The following KIAA0825 variants were observed in gnomAD, a reference collection of about 807,000 sequenced individuals.
KIAA0825 encodes the protein uncharacterized protein KIAA0825.
Under a neutral mutation model 147.6 loss-of-function variants are expected in KIAA0825, and 119 were observed. The ratio of observed to expected loss-of-function variants is 0.81; its 90% confidence interval spans 0.69 to 0.94. The LOEUF (loss-of-function observed/expected upper bound fraction) is 0.94, where lower values mean the gene tolerates loss of function less well. Among genes scored for constraint, KIAA0825 ranks in the 40% least tolerant of loss-of-function variants. The pLI is 0.00. For synonymous variants in KIAA0825, 470 were observed against 518.1 expected (o/e 0.91, Z 1.26); for missense variants, 1,381 against 1,472.7 (o/e 0.94, Z 1.02).
intron 1 of KIAA0825, among the ~76,000 whole-genome samples, chr5:94,598,090 G>A (rs1304947758): frequency 1.3e-5 from 2 of 151,896 alleles, no homozygotes; most frequent in Non-Finnish European, 2.9e-5. Flanking sequence ...TTTTTCTTTT[G>A]TCAATAATAA....
chr5:94,188,908 A>G (rs1770406292), intron 20 of KIAA0825, among the ~76,000 whole-genome samples: 2 of 152,186 alleles, frequency 1.3e-5, no homozygotes, highest in African/African-American at 4.8e-5. Context: ...GAAAGTTTCA[A>G]TTACTTTACA....
chr5:94,567,421 T>C (rs1778903832), intron 2 of KIAA0825: 2 of 152,306 alleles, frequency 1.3e-5, no homozygotes, highest in South Asian at 2.1e-4. Flanking sequence ...GTCTCAGACA[T>C]TTCTAAAATC....
chr5:94,277,288 C>G (rs553997728), intron 20 of KIAA0825, among the ~76,000 whole-genome samples: 7 of 152,176 alleles, frequency 4.6e-5, no homozygotes, highest in Admixed American at 1.3e-4. Context: ...AGCTTCTGCA[C>G]AGCAAAAGAA....
intron 14 of KIAA0825, among the ~76,000 whole-genome samples, chr5:94,422,617 C>T (rs1754343376): frequency 6.6e-6 from 1 of 152,106 alleles, no homozygotes; most frequent in African/African-American, 2.4e-5. Context: ...GTCCCTTACC[C>T]TTTCCACAAA....
At chr5:94,453,258 T>C (rs1478545171) in intron 12 of KIAA0825, among the ~76,000 whole-genome samples, 189 bp from the exon 13 acceptor site, 3 of 152,014 alleles carry the variant, frequency 2.0e-5, no homozygotes, top group Non-Finnish European at 4.4e-5. Context: ...CTGCAACCTC[T>C]GCCTCCCAGG....
chr5:94,269,033 C>T (rs1487133514), intron 20 of KIAA0825, among the ~76,000 whole-genome samples: 1 of 152,062 alleles, frequency 6.6e-6, no homozygotes, highest in Non-Finnish European at 1.5e-5. Flanking sequence ...TTTTTTTCAT[C>T]TTGCAAATAT....
intron 20 of KIAA0825, among the ~76,000 whole-genome samples, chr5:94,317,130 G>A (rs78905286): frequency 1.0e-3 from 155 of 151,908 alleles, no homozygotes; most frequent in African/African-American, 3.5e-3. Context: ...GGAAGGGAGT[G>A]TGAATCCAGG....
intron 14 of KIAA0825, among the ~76,000 whole-genome samples, chr5:94,423,564 A>G (rs977329914): frequency 1.3e-5 from 2 of 152,152 alleles, no homozygotes; most frequent in African/African-American, 4.8e-5. Flanking sequence ...AGCCTGCTTA[A>G]TTTTTACTTT....
intron 20 of KIAA0825, among the ~76,000 whole-genome samples, chr5:94,323,364 G>A (rs983251306): frequency 1.3e-5 from 2 of 151,798 alleles, no homozygotes; most frequent in Non-Finnish European, 2.9e-5. Flanking sequence ...CATTTTGAAA[G>A]GATGTCTGAT....
chr5:94,583,016 G>A (rs75213431), intron 1 of KIAA0825, among the ~76,000 whole-genome samples: 4,263 of 152,150 alleles, frequency 0.028, 194 homozygotes, highest in East Asian at 0.21. Context: ...CATTCTTCTG[G>A]GTGATCCTGT....
intron 20 of KIAA0825, among the ~76,000 whole-genome samples, chr5:94,374,803 T>C (rs1203654047): frequency 2.6e-5 from 4 of 152,128 alleles, no homozygotes; most frequent in Non-Finnish European, 1.5e-5. Flanking sequence ...TCTGAAGCCT[T>C]CCCTGCCTAT....
At chr5:94,597,394 G>C (rs1038104150) in intron 1 of KIAA0825, among the ~76,000 whole-genome samples, 3 of 152,098 alleles carry the variant, frequency 2.0e-5, no homozygotes, top group Non-Finnish European at 4.4e-5. Context: ...ATATTTGGAA[G>C]TTAAAGAGCA....
In KIAA0825 at chr5:94,254,712, G is replaced by A. The variant is rs1776152945; in HGVS notation, c.3711-100588C>T. ...TTTACAGTTGAAAAAGCTCAAAACTGAGAGGTTAAGTCACTTGTCTGAGGT... is the reference window on the plus strand; with the variant it reads ...TTTACAGTTGAAAAAGCTCAAAACTAAGAGGTTAAGTCACTTGTCTGAGGT... On this transcript the variant is annotated intron_variant, in intron 20 of 20. Coordinates refer to ENST00000682413, the MANE Select transcript of KIAA0825 (RefSeq NM_001145678.3). Among the ~76,000 whole-genome samples, 5 of 152,196 alleles carry A rather than the reference G, an allele frequency of 3.3e-5. No homozygotes were observed. In the South Asian group the frequency reaches 1.0e-3, roughly 32 times the overall value.
At chr5:94,345,079 TA>T (rs531384677) in intron 20 of KIAA0825, among the ~76,000 whole-genome samples, 73 of 146,642 alleles carry the variant, frequency 5.0e-4, no homozygotes, top group South Asian at 1.7e-3. Flanking sequence ...TACGTTACCA[TA>T]AAAAAAAAAG....
chr5:94,172,175 T>C (rs1768683445), intron 20 of KIAA0825, among the ~76,000 whole-genome samples: 1 of 152,200 alleles, frequency 6.6e-6, no homozygotes, highest in South Asian at 2.1e-4. Context: ...TACTCCTCCA[T>C]TTTACAGAAA....
chr5:94,347,599 GGA>G (rs1333932742), intron 20 of KIAA0825, among the ~76,000 whole-genome samples: 6 of 152,160 alleles, frequency 3.9e-5, no homozygotes, highest in Admixed American at 1.3e-4. Context: ...ATAGGAAAAG[GGA>G]GAGAGTACTA....
chr5:94,340,191 C>T (rs1184082856), intron 20 of KIAA0825, among the ~76,000 whole-genome samples: 1 of 152,120 alleles, frequency 6.6e-6, no homozygotes, highest in Non-Finnish European at 1.5e-5. Context: ...ATGCTCTAAT[C>T]TACACACATC....
At chr5:94,208,416 T>G (rs770080657) in intron 20 of KIAA0825, among the ~76,000 whole-genome samples, 3 of 152,162 alleles carry the variant, frequency 2.0e-5, no homozygotes, top group Non-Finnish European at 2.9e-5. Context: ...AAACATTTAC[T>G]GTACATATAA....
At chr5:94,306,347 T>C (rs1778731201) in intron 20 of KIAA0825, among the ~76,000 whole-genome samples, 1 of 151,778 alleles carries the variant, frequency 6.6e-6, no homozygotes, top group South Asian at 2.1e-4. Context: ...ACTTGGTACA[T>C]TGGAAGATGA....
Sources: gnomAD v4.1 joint callset for allele counts (sites outside exome capture counted in the v4.1 genomes callset) on GRCh38, gnomAD v4.1.1 for gene constraint, MANE v1.5 for transcripts, NCBI Gene and HGNC (gene_info 2026-07-23, HGNC 2026-07-21) for gene names.